FOXK1: variants seen among roughly 807,000 people sequenced by gnomAD.
FOXK1 encodes forkhead box K1.
Under a neutral mutation model 51.9 loss-of-function variants are expected in FOXK1, and 19 were observed. The ratio of observed to expected loss-of-function variants is 0.37; its 90% CI spans 0.26 to 0.54. FOXK1 has a LOEUF of 0.54. Among genes scored for constraint, FOXK1 ranks in the 20% least tolerant of loss-of-function variants. FOXK1 has a pLI of 0.87. For missense variants in FOXK1, 870 were observed against 1,032.7 expected, an observed-to-expected ratio of 0.84 and a Z score of 2.16; for synonymous variants, 537 against 482.6, an observed-to-expected ratio of 1.11 and a Z score of -1.48.
Position 4,771,238 on chromosome 7 carries a change from T to C in FOXK1, c.*8774T>C, listed in dbSNP as rs1283729842. On this transcript the variant is annotated 3_prime_UTR_variant, in exon 9 of 9. Transcript: ENST00000328914. ...AAGGAGCCATACTTTTTTTTAAGAG[T>C]TTGAGATCTGAATGTGATTTCTAAT... 1 of 152,486 alleles carries C rather than the reference T, an allele frequency of 6.6e-6. No individual in the cohort carries two copies. Among genetic ancestry groups the C allele is most frequent in the Non-Finnish European group, 1.5e-5 (1 of 68,008 alleles). The allele number at this position is 152,486 out of a possible 1,614,324, so 9.4% of individuals were successfully genotyped here. A position where few individuals can be genotyped will look rare whatever the true frequency, so the allele number is the denominator to read the frequency against.
intron 1 of FOXK1, among the ~76,000 whole-genome samples, chr7:4,687,527 A>C (rs1779837033): frequency 6.6e-6 from 1 of 151,910 alleles, no homozygotes; most frequent in African/African-American, 2.4e-5. Flanking sequence ...TCCTGACCTC[A>C]GGTGATCCAC....
At position 4,745,378 on chromosome 7, in the gene FOXK1, G is replaced by A. The variant is rs7797790; in HGVS notation, c.746+4355G>A. Among the ~76,000 whole-genome samples the A allele has an allele frequency of 0.41, 60,981 of 150,262 alleles. 12,759 individuals are homozygous for A. The highest frequency in any genetic ancestry group is 0.65 in the East Asian group (3,261 of 5,032). On this transcript the variant is annotated intron_variant, in intron 2 of 8. Transcript: ENST00000328914. This position sits in a 1 kb window ranked among gnomAD's most constrained non-coding sequence, Gnocchi z 4.3. ...TCCCTGATCAGCTGCCCCTGCCCCC[G>A]CCCCCCGCGCCACCCTGCGTCCTTC...
At chr7:4,751,012 C>CT (rs35715224) in intron 2 of FOXK1, among the ~76,000 whole-genome samples, 1,116 of 102,958 alleles carry the variant, frequency 0.011, 11 homozygotes, top group East Asian at 0.016. Context: ...GCCTTCAGCA[C>CT]TTTTTTTTTT....
intron 1 of FOXK1, among the ~76,000 whole-genome samples, chr7:4,692,983 C>G (rs1183584696): frequency 1.3e-5 from 2 of 151,886 alleles, no homozygotes; most frequent in Non-Finnish European, 2.9e-5. Context: ...AAGTCATCCT[C>G]TGCTATAATA....
At chr7:4,696,235 A>C (rs1407861338) in intron 1 of FOXK1, among the ~76,000 whole-genome samples, 1 of 152,130 alleles carries the variant, frequency 6.6e-6, no homozygotes, top group Non-Finnish European at 1.5e-5. Flanking sequence ...AAAGACGCAA[A>C]TCATCTAGGA....
intron 7 of FOXK1, 143 bp downstream of exon 7, chr7:4,759,738 T>A: frequency 2.9e-6 from 3 of 1,020,734 alleles, no homozygotes; most frequent in Non-Finnish European, 4.2e-6. Flanking sequence ...CTTGTCCCTT[T>A]AAATCAGCAT....
At chr7:4,738,544 G>T (rs1780588505) in intron 1 of FOXK1, among the ~76,000 whole-genome samples, 1 of 152,140 alleles carries the variant, frequency 6.6e-6, no homozygotes, top group African/African-American at 2.4e-5. Context: ...AAGGACATCA[G>T]ACGTTCCTCT....
chr7:4,733,574 A>C lies in FOXK1; in HGVS notation c.561-7264A>C, dbSNP rs74728031. The stretch of plus-strand genomic sequence containing the variant: ...TCTCATGGTTGCAAGAGGGGCAGAG[A>C]AACATGGTCTTCAGTTGGGTGGACG... On this transcript the variant is annotated intron_variant, in intron 1 of 8. Coordinates refer to ENST00000328914, the MANE Select transcript of FOXK1 (RefSeq NM_001037165.2). The surrounding 1 kb of genome is among the most constrained non-coding windows in gnomAD (Gnocchi z 5.0). Among the ~76,000 whole-genome samples, 882 of 152,314 alleles carry C rather than the reference A, an allele frequency of 5.8e-3. 2 individuals carry two copies. Among genetic ancestry groups the C allele is most frequent in the Non-Finnish European group, 8.8e-3 (597 of 68,018 alleles).
intron 1 of FOXK1, among the ~76,000 whole-genome samples, chr7:4,689,612 G>A (rs1779867457): frequency 6.6e-6 from 1 of 152,106 alleles, no homozygotes; most frequent in African/African-American, 2.4e-5. Context: ...TAAAACATAC[G>A]GAAGCCAGTT....
At position 4,762,156 on chromosome 7, in the gene FOXK1, G is replaced by C. The variant is rs1242265421; in HGVS notation, c.1922-28G>C. On this transcript the variant is annotated intron_variant, in intron 8 of 8. Coordinates refer to ENST00000328914, the MANE Select transcript of FOXK1 (RefSeq NM_001037165.2). The surrounding 1 kb of genome is among the most constrained non-coding windows in gnomAD (Gnocchi z 5.7). ...GCAGCTGGGTCCTAACCAGACCCCA[G>C]AGTAACCCTCTTCTTCCTCCACTCC... The C allele has an allele frequency of 6.5e-7, 1 of 1,535,902 alleles. No homozygotes were observed. Among genetic ancestry groups the C allele is most frequent in the Non-Finnish European group, 8.8e-7 (1 of 1,135,714 alleles).
At chr7:4,744,429 A>G (rs1583206009) in intron 2 of FOXK1, among the ~76,000 whole-genome samples, 1 of 152,068 alleles carries the variant, frequency 6.6e-6, no homozygotes, top group East Asian at 1.9e-4. Flanking sequence ...TAGGAGTCCC[A>G]GTTTCTCATT....
At chr7:4,752,398 G>A (rs894858159) in intron 2 of FOXK1, among the ~76,000 whole-genome samples, 1 of 152,212 alleles carries the variant, frequency 6.6e-6, no homozygotes, top group Non-Finnish European at 1.5e-5. Context: ...TCCTGCCTGG[G>A]CCTCCCAAAT....
intron 1 of FOXK1, among the ~76,000 whole-genome samples, chr7:4,732,227 A>G (rs1273656315): frequency 6.6e-6 from 1 of 152,242 alleles, no homozygotes; most frequent in Non-Finnish European, 1.5e-5. Flanking sequence ...TCAGTCCACA[A>G]GAACTCTGAT....
At chr7:4,739,530 T>C (rs1780603595) in intron 1 of FOXK1, among the ~76,000 whole-genome samples, 1 of 152,164 alleles carries the variant, frequency 6.6e-6, no homozygotes, top group African/African-American at 2.4e-5. Context: ...TTGTAAAAGG[T>C]GGCAGTTTCT....
chr7:4,738,785 C>T (rs1780591598), intron 1 of FOXK1, among the ~76,000 whole-genome samples: 1 of 152,192 alleles, frequency 6.6e-6, no homozygotes, highest in Admixed American at 6.5e-5. Context: ...AACGATGCGG[C>T]CCAGCCTCCT....
In FOXK1 at chr7:4,707,815, G is replaced by A. The variant is rs924494227; in HGVS notation, c.560+24947G>A. On this transcript the variant is annotated intron_variant, in intron 1 of 8. Transcript: ENST00000328914. This position sits in a 1 kb window ranked among gnomAD's most constrained non-coding sequence, Gnocchi z 4.1. ...TTCTCCTACCTCAGCCCCCCAAGTA[G>A]CTGGGATGATAGGGCCCGCCACCGT... Among the ~76,000 whole-genome samples the A allele has an allele frequency of 1.3e-5, 2 of 151,928 alleles. No homozygotes were observed. Among genetic ancestry groups the A allele is most frequent in the African/African-American group, 2.4e-5 (1 of 41,364 alleles).
At chr7:4,725,269 G>A (rs1036808462) in intron 1 of FOXK1, among the ~76,000 whole-genome samples, 7 of 152,234 alleles carry the variant, frequency 4.6e-5, no homozygotes, top group Admixed American at 1.3e-4. Context: ...TGGCCGGAAC[G>A]CCCCTTGGAG....
chr7:4,724,660 G>T (rs1780356097), intron 1 of FOXK1, among the ~76,000 whole-genome samples: 1 of 152,380 alleles, frequency 6.6e-6, no homozygotes, highest in East Asian at 1.9e-4. Flanking sequence ...CCAGGCCAGG[G>T]CTCTGGGCTC....
intron 1 of FOXK1, among the ~76,000 whole-genome samples, chr7:4,726,224 T>C (rs1253580722): frequency 6.6e-6 from 1 of 152,080 alleles, no homozygotes; most frequent in Non-Finnish European, 1.5e-5. Flanking sequence ...ACGTTCTTGT[T>C]TTTGGCCTAC....
Sources: allele counts gnomAD v4.1 joint callset (sites outside exome capture counted in the v4.1 genomes callset), GRCh38; gene constraint gnomAD v4.1.1; non-coding constraint Gnocchi (gnomAD v3.1); transcripts MANE v1.5; gene names NCBI Gene and HGNC (gene_info 2026-07-23, HGNC 2026-07-21).